Variants in SV2B observed in about 807,000 individuals in gnomAD.
SV2B encodes the protein synaptic vesicle glycoprotein 2B.
SV2B carries 41 observed loss-of-function variants against 73.9 expected under a neutral mutation model. The observed-to-expected ratio is 0.56, with a 90% CI of 0.43 to 0.72. The LOEUF (loss-of-function observed/expected upper bound fraction) is 0.72. Ranked by LOEUF, SV2B falls within the 30% of genes least tolerant of loss-of-function variation. SV2B has a pLI of 0.00. For synonymous variants in SV2B, 314 were observed against 314.2 expected (o/e 1.00, Z 0.01); for missense variants, 764 against 857.8 (o/e 0.89, Z 1.37).
At chr15:91,196,293 C>T (rs1466431039) in intron 1 of SV2B, among the ~76,000 whole-genome samples, 1 of 152,192 alleles carries the variant, frequency 6.6e-6, no homozygotes, top group East Asian at 1.9e-4. Context: ...GCGAGAGGGG[C>T]TCATGTCTAC....
At chr15:91,219,147 C>G (rs1011577776) in intron 1 of SV2B, among the ~76,000 whole-genome samples, 6 of 152,098 alleles carry the variant, frequency 3.9e-5, no homozygotes, top group African/African-American at 1.2e-4. Context: ...TGGGCTTTCT[C>G]CATGTTGCCC....
rs924510593 is a variant in SV2B, at chr15:91,301,349, C to G, written c.*8797C>G. 1 of 152,142 alleles carries G rather than the reference C, an allele frequency of 6.6e-6. No individual in the cohort carries two copies. Among genetic ancestry groups the G allele is most frequent in the Non-Finnish European group, 1.5e-5 (1 of 68,020 alleles). The allele number at this position is 152,142 out of a possible 1,614,324, so 9.4% of individuals were successfully genotyped here. On this transcript the variant is annotated 3_prime_UTR_variant, in exon 13 of 13. Coordinates refer to ENST00000394232, the MANE Select transcript of SV2B (RefSeq NM_001323032.3). The surrounding 1 kb of genome is among the most constrained non-coding windows in gnomAD (Gnocchi z 4.3). ...TCATATTTTTCGTGGTTTCATTTAT[C>G]TCTCCCTTCAGATGTTTTTCCATCT...
intron 1 of SV2B, among the ~76,000 whole-genome samples, chr15:91,131,142 T>C (rs1013244758): frequency 1.6e-5 from 2 of 126,982 alleles, no homozygotes; most frequent in African/African-American, 5.6e-5. Flanking sequence ...AAAAGATGTT[T>C]TCTTGTTTTT....
At chr15:91,198,160 C>T (rs1255932977) in intron 1 of SV2B, among the ~76,000 whole-genome samples, 1 of 152,104 alleles carries the variant, frequency 6.6e-6, no homozygotes, top group African/African-American at 2.4e-5. Context: ...CCCGGTGCTT[C>T]AATTTTTATC....
chr15:91,223,185 G>T lies in SV2B; in HGVS notation c.-391-2688G>T, dbSNP rs534034148. 6.6e-6 allele frequency among the ~76,000 whole-genome samples: 1 copy of T among 152,180 alleles called. No individual in the cohort carries two copies. Among genetic ancestry groups the T allele is most frequent in the African/African-American group, 2.4e-5 (1 of 41,434 alleles). ...AGTCATATTGGATTAGGAGCCATCC[G>T]AATGATCTCATCTTAACTTGATTAC... On this transcript the variant is annotated intron_variant, in intron 1 of 12. Coordinates refer to ENST00000394232, the MANE Select transcript of SV2B (RefSeq NM_001323032.3). The surrounding 1 kb of genome is among the most constrained non-coding windows in gnomAD (Gnocchi z 4.6).
At chr15:91,200,968 C>T (rs916407527) in intron 1 of SV2B, among the ~76,000 whole-genome samples, 27 of 152,180 alleles carry the variant, frequency 1.8e-4, no homozygotes, top group Non-Finnish European at 3.7e-4. Context: ...TCTCTTTGTA[C>T]ACATCCTGGA....
intron 1 of SV2B, among the ~76,000 whole-genome samples, chr15:91,159,315 G>T (rs1281325152): frequency 6.6e-6 from 1 of 152,108 alleles, no homozygotes; most frequent in African/African-American, 2.4e-5. Flanking sequence ...TTGGAGATAG[G>T]GTTGGAAGTG....
intron 9 of SV2B, among the ~76,000 whole-genome samples, chr15:91,271,300 A>G (rs2048311714): frequency 6.6e-6 from 1 of 152,200 alleles, no homozygotes; most frequent in Non-Finnish European, 1.5e-5. Flanking sequence ...TGAAGTTCCC[A>G]GTGTTTAGCA....
At position 91,118,470 on chromosome 15, in the gene SV2B, G is replaced by T. The variant is rs1473850714; in HGVS notation, c.-392+18107G>T. Among the ~76,000 whole-genome samples the T allele has an allele frequency of 6.6e-6, 1 of 152,208 alleles. No individual in the cohort carries two copies. Among genetic ancestry groups the T allele is most frequent in the Non-Finnish European group, 1.5e-5 (1 of 68,038 alleles). On this transcript the variant is annotated intron_variant, in intron 1 of 12. Transcript: ENST00000394232. The surrounding 1 kb of genome is among the most constrained non-coding windows in gnomAD (Gnocchi z 4.7). Reference sequence around the variant, plus strand: ...TCCTTTGCATTCATTGAGGGCTTGGGAAGGTACAGAAAGCTCCACAGGAAG... The same window carrying T: ...TCCTTTGCATTCATTGAGGGCTTGGTAAGGTACAGAAAGCTCCACAGGAAG...
chr15:91,281,136 T>C lies in SV2B; in HGVS notation c.1374-592T>C, dbSNP rs2048669163. On this transcript the variant is annotated intron_variant, in intron 9 of 12. Transcript: ENST00000394232. This position sits in a 1 kb window ranked among gnomAD's most constrained non-coding sequence, Gnocchi z 4.7. ...CAGTGAATGTATCTCTTTGAATACA[T>C]GGGCAAGTATGTGTAGGATAAATTC... Among the ~76,000 whole-genome samples the C allele has an allele frequency of 6.6e-6, 1 of 152,228 alleles. No individual in the cohort carries two copies. Among genetic ancestry groups the C allele is most frequent in the Non-Finnish European group, 1.5e-5 (1 of 68,034 alleles).
In SV2B at chr15:91,293,008, G is replaced by A. The variant is rs910250063; in HGVS notation, c.*456G>A. ...GAGTCATTATATGAAGATTGGGCTT[G>A]AAGTATATATTTTTGCATTTAAAAG... On this transcript the variant is annotated 3_prime_UTR_variant, in exon 13 of 13. Coordinates refer to ENST00000394232, the MANE Select transcript of SV2B (RefSeq NM_001323032.3). 8 of 153,346 alleles carry A rather than the reference G, an allele frequency of 5.2e-5. No individual in the cohort carries two copies. Among genetic ancestry groups the A allele is most frequent in the African/African-American group, 1.4e-4 (6 of 41,480 alleles). 9.5% of individuals were successfully genotyped at this position (153,346 alleles called of 1,614,324 possible).
At chr15:91,177,316 C>CAGGG (rs2044352299) in intron 1 of SV2B, among the ~76,000 whole-genome samples, 1 of 151,774 alleles carries the variant, frequency 6.6e-6, no homozygotes, top group African/African-American at 2.4e-5. Context: ...AGTTTGAAGT[C>CAGGG]AGGGAGCGTG....
intron 1 of SV2B, among the ~76,000 whole-genome samples, chr15:91,147,965 C>CTTTTTTTTTTTTTTTTTTTTTTT (rs60896008): frequency 2.5e-5 from 1 of 39,260 alleles, no homozygotes; most frequent in Non-Finnish European, 4.4e-5. Flanking sequence ...CCCCCCCCAA[C>CTTTTTTTTTTTTTTTTTTTTTTT]TTTTTTTTTT....
At chr15:91,103,235 A>G (rs1596402102) in intron 1 of SV2B, among the ~76,000 whole-genome samples, 1 of 152,216 alleles carries the variant, frequency 6.6e-6, no homozygotes, top group East Asian at 1.9e-4. Flanking sequence ...GGCAACAGGA[A>G]GCACAGGAAT....
intron 1 of SV2B, among the ~76,000 whole-genome samples, chr15:91,186,033 C>T (rs1003323955): frequency 6.6e-6 from 1 of 152,200 alleles, no homozygotes; most frequent in African/African-American, 2.4e-5. Flanking sequence ...TTCATCACAA[C>T]ATACACGAGG....
chr15:91,135,423 A>T (rs1042829509), intron 1 of SV2B, among the ~76,000 whole-genome samples: 2 of 152,226 alleles, frequency 1.3e-5, no homozygotes, highest in Non-Finnish European at 2.9e-5. Flanking sequence ...AGCTACCTAC[A>T]TGGTGGTGAG....
At position 91,280,083 on chromosome 15, in the gene SV2B, A is replaced by C. The variant is rs1196625329; in HGVS notation, c.1374-1645A>C. 6.6e-6 allele frequency among the ~76,000 whole-genome samples: 1 copy of C among 152,220 alleles called. No individual in the cohort carries two copies. The highest frequency in any genetic ancestry group is 6.5e-5 in the Admixed American group (1 of 15,280). ...TGTAGGCTGGAATTTAGGAAATGAC[A>C]TCTTTAATAATAACCTCAAGTTTAT... On this transcript the variant is annotated intron_variant, in intron 9 of 12. Transcript: ENST00000394232. This position sits in a 1 kb window ranked among gnomAD's most constrained non-coding sequence, Gnocchi z 5.8.
intron 1 of SV2B, among the ~76,000 whole-genome samples, chr15:91,191,295 C>A (rs191426147): frequency 1.3e-5 from 2 of 152,020 alleles, no homozygotes; most frequent in Admixed American, 1.3e-4. Flanking sequence ...GTACAGGCTC[C>A]TAGTAATCTT....
At chr15:91,196,301 T>C (rs1317739420) in intron 1 of SV2B, among the ~76,000 whole-genome samples, 1 of 152,236 alleles carries the variant, frequency 6.6e-6, no homozygotes, top group Non-Finnish European at 1.5e-5. Flanking sequence ...GGCTCATGTC[T>C]ACACAATTAA....
Sources: gnomAD v4.1 joint callset for allele counts (sites outside exome capture counted in the v4.1 genomes callset) on GRCh38, gnomAD v4.1.1 for gene constraint, Gnocchi (gnomAD v3.1) non-coding constraint, MANE v1.5 for transcripts, NCBI Gene and HGNC (gene_info 2026-07-23, HGNC 2026-07-21) for gene names.